Variants in TMEM117 observed in about 807,000 individuals in gnomAD.
TMEM117 encodes the protein transmembrane protein 117.
In TMEM117, 27 loss-of-function variants were observed where a neutral mutation model predicts 52.4. That is an observed-to-expected ratio of 0.51 (90% CI 0.38 to 0.71). The LOEUF (loss-of-function observed/expected upper bound fraction) is 0.71. Ranked by LOEUF, TMEM117 falls within the 30% of genes least tolerant of loss-of-function variation. The probability of loss-of-function intolerance (pLI) is 0.00; values close to 1 mark genes in which losing one functional copy is unlikely to be tolerated. For synonymous variants in TMEM117, 215 were observed against 206.3 expected (o/e 1.04, Z -0.36); for missense variants, 556 against 630.5 (o/e 0.88, Z 1.26).
chr12:44,222,110 A>G (rs771184447), intron 5 of TMEM117, among the ~76,000 whole-genome samples: 1 of 152,102 alleles, frequency 6.6e-6, no homozygotes, highest in Non-Finnish European at 1.5e-5. Flanking sequence ...AGCCTTACTC[A>G]TGGACAGTGA....
In TMEM117 at chr12:43,838,494, A is replaced by G. The variant is rs1317590477; in HGVS notation, c.-29+2298A>G. ...CATTTATCCTTTTGCAGATTTGGATATGTATTATCCAGACTCTACTCTCTC... is the reference window on the plus strand; with the variant it reads ...CATTTATCCTTTTGCAGATTTGGATGTGTATTATCCAGACTCTACTCTCTC... On this transcript the variant is annotated intron_variant, in intron 1 of 7. Coordinates refer to ENST00000266534, the MANE Select transcript of TMEM117 (RefSeq NM_032256.3). Among the ~76,000 whole-genome samples the G allele has an allele frequency of 2.7e-5, 4 of 145,482 alleles. 1 individual carries two copies. The highest frequency in any genetic ancestry group is 7.6e-5 in the African/African-American group (3 of 39,402).
At chr12:44,046,587 C>T (rs996680559) in intron 3 of TMEM117, among the ~76,000 whole-genome samples, 21 of 152,116 alleles carry the variant, frequency 1.4e-4, no homozygotes, top group Non-Finnish European at 5.9e-5. Flanking sequence ...CCACGACCTG[C>T]CAAGGTGCTT....
intron 3 of TMEM117, among the ~76,000 whole-genome samples, chr12:44,103,813 T>C (rs1440250796): frequency 6.6e-6 from 1 of 152,068 alleles, no homozygotes; most frequent in Non-Finnish European, 1.5e-5. Context: ...GAAGCTACAA[T>C]ATCTCATCTT....
At chr12:43,820,908 A>T in the TMEM117 span, among the ~76,000 whole-genome samples, 1 of 151,986 alleles carries the variant, frequency 6.6e-6, no homozygotes, top group South Asian at 2.1e-4. Context: ...ATCCTGGCTA[A>T]CACGGTGAAA....
intron 2 of TMEM117, among the ~76,000 whole-genome samples, chr12:43,845,543 T>A (rs559999577): frequency 2.7e-4 from 41 of 152,066 alleles, no homozygotes; most frequent in South Asian, 8.3e-4. Context: ...TTTTTATTTT[T>A]AAAATTTTTT....
chr12:44,106,348 T>A lies in TMEM117; in HGVS notation c.411-37177T>A, dbSNP rs150893232. 5.3e-5 allele frequency among the ~76,000 whole-genome samples: 8 copies of A among 152,172 alleles called. No individual in the cohort carries two copies. The East Asian group carries it at 1.5e-3, about 29-fold the overall frequency. On this transcript the variant is annotated intron_variant, in intron 3 of 7. Transcript: ENST00000266534. ...TTTCAACAAGGCTGAGTAACTTGCT[T>A]GAGGTCAAACACAAACATAAGGGAT...
At chr12:44,053,806 T>G (rs1353372446) in intron 3 of TMEM117, among the ~76,000 whole-genome samples, 1 of 152,116 alleles carries the variant, frequency 6.6e-6, no homozygotes, top group Non-Finnish European at 1.5e-5. Context: ...ACCACAAACA[T>G]GGAATTTGGG....
At chr12:43,998,269 C>G (rs996194598) in intron 3 of TMEM117, among the ~76,000 whole-genome samples, 5 of 152,174 alleles carry the variant, frequency 3.3e-5, no homozygotes, top group African/African-American at 1.2e-4. Flanking sequence ...AAGGCAAGGA[C>G]TGGAAATGTT....
At chr12:44,236,725 A>G (rs530893302) in intron 5 of TMEM117, among the ~76,000 whole-genome samples, 5 of 152,240 alleles carry the variant, frequency 3.3e-5, no homozygotes, top group African/African-American at 1.2e-4. Flanking sequence ...TTTCAGGCAT[A>G]AGAGGATAGC....
At chr12:44,269,988 C>T (rs1331357319) in intron 5 of TMEM117, among the ~76,000 whole-genome samples, 1 of 152,070 alleles carries the variant, frequency 6.6e-6, no homozygotes, top group East Asian at 1.9e-4. Context: ...ACCTGTGAAA[C>T]GACCTGGAAA....
Position 44,293,777 on chromosome 12 carries a change from T to C in TMEM117, c.609-5803T>C, listed in dbSNP as rs1950734297. On this transcript the variant is annotated intron_variant, in intron 5 of 7. Coordinates refer to ENST00000266534, the MANE Select transcript of TMEM117 (RefSeq NM_032256.3). ...TATATCTTTAACAAACTAGTGTATCTATAGTTATTTTTAATACTTTTGTTT... is the reference window on the plus strand; with the variant it reads ...TATATCTTTAACAAACTAGTGTATCCATAGTTATTTTTAATACTTTTGTTT... 3.9e-5 allele frequency among the ~76,000 whole-genome samples: 6 copies of C among 152,312 alleles called. No individual in the cohort carries two copies. The South Asian group carries it at 1.0e-3, about 26-fold the overall frequency.
intron 3 of TMEM117, among the ~76,000 whole-genome samples, chr12:44,004,560 G>A (rs1946164747): frequency 6.6e-6 from 1 of 152,088 alleles, no homozygotes; most frequent in Admixed American, 6.6e-5. Context: ...ATAATCTTCA[G>A]CCTTTGGGAA....
At chr12:44,312,958 T>G (rs1371510459) in intron 6 of TMEM117, among the ~76,000 whole-genome samples, 1 of 152,160 alleles carries the variant, frequency 6.6e-6, no homozygotes, top group East Asian at 1.9e-4. Flanking sequence ...TAGATGAGAT[T>G]ATATGTGTTT....
At chr12:44,292,236 T>C (rs967171706) in intron 5 of TMEM117, among the ~76,000 whole-genome samples, 6 of 152,040 alleles carry the variant, frequency 3.9e-5, no homozygotes, top group Admixed American at 2.0e-4. Context: ...GTTATCCAAT[T>C]TGTTGGAATA....
intron 2 of TMEM117, among the ~76,000 whole-genome samples, chr12:43,916,300 C>T (rs1216630508): frequency 2.0e-5 from 3 of 151,996 alleles, no homozygotes; most frequent in Non-Finnish European, 1.5e-5. Context: ...AAAACAAGAA[C>T]GTTGTGTAGA....
chr12:44,272,917 C>A (rs1473504699), intron 5 of TMEM117, among the ~76,000 whole-genome samples: 2 of 152,148 alleles, frequency 1.3e-5, no homozygotes, highest in South Asian at 2.1e-4. Flanking sequence ...AAGACACATG[C>A]ACACGTATGT....
intron 3 of TMEM117, among the ~76,000 whole-genome samples, chr12:44,088,282 A>G (rs1356802170): frequency 6.6e-6 from 1 of 152,178 alleles, no homozygotes; most frequent in Non-Finnish European, 1.5e-5. Context: ...TTTACAATGT[A>G]GTTTCACCAG....
chr12:44,364,986 A>G (rs1951770962), intron 6 of TMEM117, among the ~76,000 whole-genome samples: 1 of 152,100 alleles, frequency 6.6e-6, no homozygotes, highest in Non-Finnish European at 1.5e-5. Flanking sequence ...GCAGTGATAT[A>G]GGAATCTGAT....
At chr12:44,117,086 A>G (rs1005528438) in intron 3 of TMEM117, among the ~76,000 whole-genome samples, 2 of 152,084 alleles carry the variant, frequency 1.3e-5, no homozygotes, top group Non-Finnish European at 2.9e-5. Context: ...GTTCCCGCCT[A>G]CATTTCCACT....
Sources: allele counts gnomAD v4.1 joint callset (sites outside exome capture counted in the v4.1 genomes callset), GRCh38; gene constraint gnomAD v4.1.1; transcripts MANE v1.5; gene names NCBI Gene and HGNC (gene_info 2026-07-23, HGNC 2026-07-21).